The following ITFG1 variants were observed in gnomAD, a reference collection of about 807,000 sequenced individuals.
ITFG1 encodes the protein T-cell immunomodulatory protein.
Under a neutral mutation model 81.8 loss-of-function variants are expected in ITFG1, and 34 were observed. The ratio of observed to expected loss-of-function variants is 0.42; its 90% CI spans 0.32 to 0.55. The LOEUF is 0.55. Ranked by LOEUF, ITFG1 falls within the 20% of genes least tolerant of loss-of-function variation. The pLI is 0.17. For missense variants in ITFG1, 672 were observed against 755.4 expected, an observed-to-expected ratio of 0.89 and a Z score of 1.29; for synonymous variants, 285 against 270.6, an observed-to-expected ratio of 1.05 and a Z score of -0.52.
chr16:47,359,419 C>T (rs1339668786), intron 8 of ITFG1, among the ~76,000 whole-genome samples: 2 of 152,168 alleles, frequency 1.3e-5, no homozygotes, highest in South Asian at 2.1e-4. Flanking sequence ...GTTGTTCAAA[C>T]CAAAAATCTA....
At chr16:47,315,540 C>G (rs1450033163) in intron 8 of ITFG1, among the ~76,000 whole-genome samples, 2 of 152,074 alleles carry the variant, frequency 1.3e-5, no homozygotes, top group Non-Finnish European at 2.9e-5. Flanking sequence ...TACTTCTCCC[C>G]TAGTTTCTCT....
At chr16:47,388,253 TGAGA>T (rs956540272) in intron 6 of ITFG1, among the ~76,000 whole-genome samples, 1 of 151,362 alleles carries the variant, frequency 6.6e-6, no homozygotes, top group African/African-American at 2.4e-5. Flanking sequence ...CTAGTAGAAG[TGAGA>T]GAGAGAGAAG....
intron 6 of ITFG1, among the ~76,000 whole-genome samples, chr16:47,414,086 C>T (rs1465183875): frequency 6.6e-6 from 1 of 151,516 alleles, no homozygotes; most frequent in Non-Finnish European, 1.5e-5. Context: ...CTCCCAAAGT[C>T]CTGGGATTAC....
chr16:47,166,511 T>A (rs1355243125), intron 14 of ITFG1, among the ~76,000 whole-genome samples: 1 of 152,114 alleles, frequency 6.6e-6, no homozygotes, highest in Non-Finnish European at 1.5e-5. Context: ...ATCATGAAAA[T>A]TCTTGAAAAA....
chr16:47,307,093 CAAAAAAAAAAAAAAAA>C (rs371103697), intron 10 of ITFG1, among the ~76,000 whole-genome samples: 3 of 16,474 alleles, frequency 1.8e-4, no homozygotes, highest in Admixed American at 1.3e-3. Flanking sequence ...AACTCCGTCT[CAAAAAAAAAAAAAAAA>C]AAAAAAAAAA....
chr16:47,408,798 G>A (rs1968762263), intron 6 of ITFG1, among the ~76,000 whole-genome samples: 1 of 152,222 alleles, frequency 6.6e-6, no homozygotes, highest in East Asian at 1.9e-4. Context: ...AACTGCGTAG[G>A]GCAGGAGTTT....
At chr16:47,396,060 T>C in intron 6 of ITFG1, 1 of 519,762 alleles carries the variant, frequency 1.9e-6, no homozygotes, top group African/African-American at 2.1e-5. Context: ...CCAAAGGATA[T>C]TCCTTTACTT....
intron 6 of ITFG1, among the ~76,000 whole-genome samples, chr16:47,377,484 C>T (rs566499720): frequency 6.6e-6 from 1 of 152,258 alleles, no homozygotes; most frequent in South Asian, 2.1e-4. Context: ...TTCTGTGTTA[C>T]TCCCTCACAA....
At chr16:47,189,685 G>A (rs912427601) in intron 14 of ITFG1, among the ~76,000 whole-genome samples, 8 of 152,112 alleles carry the variant, frequency 5.3e-5, no homozygotes, top group African/African-American at 1.9e-4. Flanking sequence ...GTTTTATGTG[G>A]ACATGTTTTC....
At position 47,311,316 on chromosome 16, in the gene ITFG1, T is replaced by A. The variant is rs750588940; in HGVS notation, c.994A>T (p.Ile332Phe). Residue 332 changes from isoleucine (I) to phenylalanine (F), a missense_variant, in exon 10 of 18, where the codon ATT becomes TTT. Physicochemically the swap from Ile to Phe is conservative, Grantham distance 21. This residue lies in a region of ITFG1 where 560 missense variants were observed against 625.7 expected (regional missense o/e 0.90). Transcript: ENST00000320640. Reference sequence around the variant, plus strand: ...TTGTAGTCTCCAATATGAAGGGTAATTGGAATTGGTATTTCAGTTGGTTGC... The same window carrying A: ...TTGTAGTCTCCAATATGAAGGGTAAATGGAATTGGTATTTCAGTTGGTTGC... Reference protein sequence around the residue: ...EQQPTEIPIPITLHIGDYNMD... With the variant: ...EQQPTEIPIPFTLHIGDYNMD... 6.2e-7 allele frequency: 1 copy of A among 1,613,424 alleles called. No individual in the cohort carries two copies. Among genetic ancestry groups the A allele is most frequent in the Non-Finnish European group, 8.5e-7 (1 of 1,179,398 alleles).
At chr16:47,187,024 G>C (rs1341453600) in intron 14 of ITFG1, among the ~76,000 whole-genome samples, 1 of 152,112 alleles carries the variant, frequency 6.6e-6, no homozygotes. Flanking sequence ...GCTTCAAAGA[G>C]AATCAAATAC....
chr16:47,293,763 T>C (rs1374173753), intron 10 of ITFG1, among the ~76,000 whole-genome samples: 2 of 152,138 alleles, frequency 1.3e-5, no homozygotes, highest in Non-Finnish European at 2.9e-5. Flanking sequence ...TATAAGTCCT[T>C]AATCATTAAT....
chr16:47,249,872 C>T (rs1384912020), intron 12 of ITFG1, among the ~76,000 whole-genome samples: 3 of 152,110 alleles, frequency 2.0e-5, no homozygotes, highest in Non-Finnish European at 2.9e-5. Flanking sequence ...TGGCAATAAT[C>T]GTGCATAAAT....
intron 8 of ITFG1, among the ~76,000 whole-genome samples, chr16:47,322,063 T>G (rs1193168502): frequency 6.6e-6 from 1 of 152,182 alleles, no homozygotes; most frequent in African/African-American, 2.4e-5. Flanking sequence ...TTAAATAGCA[T>G]ACAGGTTGAT....
intron 8 of ITFG1, among the ~76,000 whole-genome samples, chr16:47,327,102 G>T (rs917959641): frequency 1.3e-5 from 2 of 152,136 alleles, no homozygotes; most frequent in Non-Finnish European, 2.9e-5. Flanking sequence ...AACCAAAACA[G>T]CATGGCACTG....
chr16:47,418,878 A>G (rs1235150175), intron 6 of ITFG1, among the ~76,000 whole-genome samples: 1 of 152,070 alleles, frequency 6.6e-6, no homozygotes, highest in Non-Finnish European at 1.5e-5. Flanking sequence ...TACTCAGTAT[A>G]TTTTGTTGTT....
chr16:47,444,805 C>T (rs1969302006), intron 5 of ITFG1, among the ~76,000 whole-genome samples: 1 of 152,166 alleles, frequency 6.6e-6, no homozygotes, highest in African/African-American at 2.4e-5. Context: ...ATCACTTTGG[C>T]ATGAAAGTTA....
chr16:47,352,721 G>T (rs895029911), intron 8 of ITFG1, among the ~76,000 whole-genome samples: 1 of 152,140 alleles, frequency 6.6e-6, no homozygotes, highest in African/African-American at 2.4e-5. Context: ...TATACCCAAA[G>T]GAATATAAAT....
chr16:47,375,829 T>C, intron 7 of ITFG1, 47 bp downstream of exon 7: 1 of 1,090,476 alleles, frequency 9.2e-7, no homozygotes, highest in East Asian at 2.4e-5. Flanking sequence ...TGTGTGCTTT[T>C]ACTGAAAGCC....
Sources: gnomAD v4.1 joint callset for allele counts (sites outside exome capture counted in the v4.1 genomes callset) on GRCh38, gnomAD v4.1.1 for gene constraint, gnomAD v4.1.1 regional missense constraint, MANE v1.5 for transcripts, NCBI Gene and HGNC (gene_info 2026-07-23, HGNC 2026-07-21) for gene names.